FHIP1A: variants seen among roughly 807,000 people sequenced by gnomAD.
FHIP1A encodes the protein FHF complex subunit HOOK-interacting protein 1A.
A neutral mutation model predicts 88.6 loss-of-function variants in FHIP1A; 61 were observed. The ratio of observed to expected loss-of-function variants is 0.69; its 90% CI spans 0.56 to 0.85. FHIP1A has a LOEUF of 0.85. FHIP1A is among the 40% of genes least tolerant of loss of function. The pLI, the probability that FHIP1A is intolerant of heterozygous loss-of-function variation, is 0.00. For synonymous variants in FHIP1A, 478 were observed against 496.0 expected (o/e 0.96, Z 0.48); for missense variants, 1,154 against 1,273.5 (o/e 0.91, Z 1.43).
chr4:151,521,725 T>A (rs997678753), intron 3 of FHIP1A, among the ~76,000 whole-genome samples: 1 of 149,776 alleles, frequency 6.7e-6, no homozygotes, highest in Admixed American at 6.7e-5. Context: ...ATGTATGTAT[T>A]TTTTTATTTA....
At chr4:151,594,059 A>C (rs2126817056) in intron 7 of FHIP1A, among the ~76,000 whole-genome samples, 1 of 152,270 alleles carries the variant, frequency 6.6e-6, no homozygotes, top group East Asian at 1.9e-4. Context: ...GCGATGGATT[A>C]GGTTTATTGA....
chr4:151,649,196 G>A (rs749135799), intron 10 of FHIP1A, among the ~76,000 whole-genome samples: 16 of 152,226 alleles, frequency 1.1e-4, no homozygotes, highest in South Asian at 6.2e-4. Flanking sequence ...CTAATGACTC[G>A]TACCAGATAA....
intron 7 of FHIP1A, among the ~76,000 whole-genome samples, chr4:151,598,140 C>G (rs1488453713): frequency 6.6e-6 from 1 of 152,000 alleles, no homozygotes; most frequent in Non-Finnish European, 1.5e-5. Context: ...CAGTTTTGTG[C>G]TGGAAACCCA....
At chr4:151,516,865 T>C (rs1731258508) in intron 3 of FHIP1A, among the ~76,000 whole-genome samples, 1 of 151,802 alleles carries the variant, frequency 6.6e-6, no homozygotes, top group African/African-American at 2.4e-5. Flanking sequence ...GACTGTAAAC[T>C]AGTTCAACCA....
chr4:151,562,963 C>T (rs1203381674), intron 3 of FHIP1A, among the ~76,000 whole-genome samples: 2 of 152,004 alleles, frequency 1.3e-5, no homozygotes, highest in Non-Finnish European at 2.9e-5. Context: ...AAGGTGGAAG[C>T]ATATGTTTTG....
chr4:151,529,837 A>AT lies in FHIP1A; in HGVS notation c.-122-36298dup, dbSNP rs1443990504. On this transcript the variant is annotated intron_variant, in intron 3 of 13. Coordinates refer to ENST00000435205, the MANE Select transcript of FHIP1A (RefSeq NM_001109977.3). ...AGACTTAGTAAGTAGCAAAACTGTG[A>AT]TTTGAAGCCAGATTTATTTGACTCC... Among the ~76,000 whole-genome samples the AT allele has an allele frequency of 1.3e-5, 2 of 152,204 alleles. 1 individual carries two copies. The highest frequency in any genetic ancestry group is 2.9e-5 in the Non-Finnish European group (2 of 68,030).
chr4:151,494,552 C>T (rs1195866630), intron 3 of FHIP1A, among the ~76,000 whole-genome samples: 1 of 152,008 alleles, frequency 6.6e-6, no homozygotes, highest in Non-Finnish European at 1.5e-5. Flanking sequence ...GTACTAGTAC[C>T]TTGCTGTTTT....
intron 3 of FHIP1A, among the ~76,000 whole-genome samples, chr4:151,520,415 T>C (rs889910076): frequency 1.3e-5 from 2 of 152,160 alleles, no homozygotes; most frequent in African/African-American, 2.4e-5. Flanking sequence ...TGATCTACTT[T>C]GATTATTTTG....
chr4:151,578,014 T>A lies in FHIP1A; in HGVS notation c.670T>A (p.Ser224Thr). ...QARDALLFIM[S>T]LSAENTMVAH... is the part of the protein sequence containing the mutation. The stretch of plus-strand genomic sequence containing the variant: ...TCGGGATGCATTGCTCTTCATCATG[T>A]CTCTTTCTGCTGAGAACACCATGGT... The change falls in exon 5 of 14, where the codon TCT (serine) becomes ACT (threonine). Residue 224 changes from serine to threonine, a missense_variant. Coordinates refer to ENST00000435205, the MANE Select transcript of FHIP1A (RefSeq NM_001109977.3). 1 of 1,551,156 alleles carries A rather than the reference T, an allele frequency of 6.4e-7. No individual in the cohort carries two copies. Among genetic ancestry groups the A allele is most frequent in the Non-Finnish European group, 8.7e-7 (1 of 1,146,872 alleles).
intron 1 of FHIP1A, among the ~76,000 whole-genome samples, chr4:151,418,662 T>C (rs146106325): frequency 1.4e-3 from 209 of 152,294 alleles, no homozygotes; most frequent in Admixed American, 9.5e-3. Flanking sequence ...TACAGATAAT[T>C]CCTAAATCCA....
At chr4:151,580,884 G>C (rs999946016) in intron 5 of FHIP1A, among the ~76,000 whole-genome samples, 10 of 152,158 alleles carry the variant, frequency 6.6e-5, no homozygotes, top group African/African-American at 2.4e-4. Context: ...TTGAGACAGA[G>C]TCTCACTCTG....
At chr4:151,626,511 G>C (rs534396028) in intron 7 of FHIP1A, among the ~76,000 whole-genome samples, 2 of 152,138 alleles carry the variant, frequency 1.3e-5, no homozygotes, top group Non-Finnish European at 2.9e-5. Context: ...TCTTATCTTA[G>C]GGATAATTAC....
chr4:151,573,936 G>C (rs1162407566), intron 4 of FHIP1A, among the ~76,000 whole-genome samples: 1 of 152,182 alleles, frequency 6.6e-6, no homozygotes. Context: ...TGGGACATTG[G>C]GACAGAAGTT....
At position 151,648,852 on chromosome 4, in the gene FHIP1A, T is replaced by TTAACATCAGAGGCAGTCATGG. The variant is rs568091236; in HGVS notation, c.1418-600_1418-580dup. 4.2e-3 allele frequency among the ~76,000 whole-genome samples: 637 copies of TTAACATCAGAGGCAGTCATGG among 152,148 alleles called. 7 individuals are homozygous for TTAACATCAGAGGCAGTCATGG. Among genetic ancestry groups the TTAACATCAGAGGCAGTCATGG allele is most frequent in the African/African-American group, 0.014 (573 of 41,480 alleles). ...TATTTCAGTAGTGAAGTTGGAACTT[T>TTAACATCAGAGGCAGTCATGG]TAACATCAGAGGCAGTCATGGTAAC... is the stretch of plus-strand genomic sequence containing the variant. On this transcript the variant is annotated intron_variant, in intron 10 of 13. Coordinates refer to ENST00000435205, the MANE Select transcript of FHIP1A (RefSeq NM_001109977.3).
intron 7 of FHIP1A, among the ~76,000 whole-genome samples, chr4:151,616,512 G>C (rs1021519840): frequency 2.1e-5 from 3 of 141,366 alleles, no homozygotes; most frequent in African/African-American, 8.0e-5. Context: ...GCAGTGGTGC[G>C]ATCTCGGCTC....
At chr4:151,422,218 TA>T (rs201428102) in intron 1 of FHIP1A, among the ~76,000 whole-genome samples, 4 of 127,202 alleles carry the variant, frequency 3.1e-5, no homozygotes, top group African/African-American at 1.1e-4. Flanking sequence ...TATGAGACAT[TA>T]AAAAAATATA....
intron 3 of FHIP1A, among the ~76,000 whole-genome samples, chr4:151,492,490 GT>G (rs1210994763): frequency 6.6e-6 from 1 of 151,520 alleles, no homozygotes; most frequent in South Asian, 2.1e-4. Flanking sequence ...TACTTGGGAT[GT>G]TGAGACAGGA....
chr4:151,620,491 A>G (rs571435294), intron 7 of FHIP1A, among the ~76,000 whole-genome samples: 24 of 152,246 alleles, frequency 1.6e-4, no homozygotes, highest in African/African-American at 5.5e-4. Context: ...ACCCTGACAT[A>G]CCTGATTCTG....
In FHIP1A at chr4:151,566,257, C is replaced by T. The variant is rs1452131673; in HGVS notation, c.-3C>T. 2.6e-6 allele frequency: 4 copies of T among 1,541,500 alleles called. No homozygotes were observed. The African/African-American group carries it at 4.1e-5, about 16-fold the overall frequency. ...ACTTAGAAGCATTGATTTATGAAGGCTTATGATGTCATCGGTTTCGACAGA... is the reference window on the plus strand; with the variant it reads ...ACTTAGAAGCATTGATTTATGAAGGTTTATGATGTCATCGGTTTCGACAGA... On this transcript the variant is annotated 5_prime_UTR_variant, in exon 4 of 14. Transcript: ENST00000435205.
Sources: gnomAD v4.1 joint callset for allele counts (sites outside exome capture counted in the v4.1 genomes callset) on GRCh38, gnomAD v4.1.1 for gene constraint, MANE v1.5 for transcripts, NCBI Gene and HGNC (gene_info 2026-07-23, HGNC 2026-07-21) for gene names.